The following TEP1 variants were observed in gnomAD, a reference collection of about 807,000 sequenced individuals.
The protein encoded by TEP1 is telomerase associated protein 1, also known as telomerase protein component 1.
In TEP1, 241 loss-of-function variants were observed where a neutral mutation model predicts 306.3. The observed-to-expected ratio is 0.79, with a 90% CI of 0.71 to 0.88. The LOEUF (loss-of-function observed/expected upper bound fraction) is 0.88. TEP1 is among the 40% of genes least tolerant of loss of function. The pLI is 0.00. For synonymous variants in TEP1, 1,289 were observed against 1,305.5 expected (o/e 0.99, Z 0.27); for missense variants, 3,051 against 3,276.1 (o/e 0.93, Z 1.68).
At chr14:20,411,425 A>G (rs61594645) in intron 1 of TEP1, among the ~76,000 whole-genome samples, 9,137 of 152,110 alleles carry the variant, frequency 0.06, 472 homozygotes, top group East Asian at 0.19. Context: ...CTCTCACTCT[A>G]CAGACTTCAG....
intron 49 of TEP1, 72 bp from the exon 50 acceptor site, chr14:20,371,704 C>T (rs762368464): frequency 1.3e-5 from 19 of 1,476,610 alleles, no homozygotes; most frequent in Non-Finnish European, 1.7e-5. Context: ...CTCAATCCCA[C>T]ATGAATTCCT....
rs1192717974 is a variant in TEP1, at chr14:20,387,892, AAC to A, written c.2684+11_2684+12del. On this transcript the variant is annotated intron_variant, in intron 18 of 54. Transcript: ENST00000262715. ...CCCTCCCAATTCACAAAGGCATAGA[AAC>A]ACAGACTGACCCTTGCTGGGAAACA... 15 of 1,592,362 alleles carry A rather than the reference AAC, an allele frequency of 9.4e-6. No individual in the cohort carries two copies. The South Asian group carries it at 1.4e-4, about 15-fold the overall frequency.
In TEP1 at chr14:20,405,603, G is replaced by A. The variant is rs1431554053; in HGVS notation, c.736-18C>T. The A allele has an allele frequency of 1.2e-6, 2 of 1,612,258 alleles. No individual in the cohort carries two copies. Among genetic ancestry groups the A allele is most frequent in the South Asian group, 1.1e-5 (1 of 90,904 alleles). ...AGAGCCATCTGGGAATTGAGAAAGA[G>A]GGAAGAAATGAGAAGAGAGGTAACA... On this transcript the variant is annotated intron_variant, in intron 3 of 54. Transcript: ENST00000262715.
Position 20,389,607 on chromosome 14 carries a change from TACA to T in TEP1, c.2465_2465+2del. 3 of 1,613,990 alleles carry T rather than the reference TACA, an allele frequency of 1.9e-6. No homozygotes were observed. The highest frequency in any genetic ancestry group is 2.5e-6 in the Non-Finnish European group (3 of 1,179,934). On this transcript the variant is annotated splice_donor_variant and coding_sequence_variant, in exon 16 of 55. Coordinates refer to ENST00000262715, the MANE Select transcript of TEP1 (RefSeq NM_007110.5). LOFTEE classifies it high-confidence loss of function. ...ACTGGGCAGGAAGTATAAGCACCCT[TACA>T]GGTATTGTACCCTTCTTAGGAGGAT... is the stretch of plus-strand genomic sequence containing the variant.
At position 20,377,696 on chromosome 14, in the gene TEP1, G is replaced by C. The variant is rs749016451; in HGVS notation, c.5779C>G (p.Leu1927Val). 4.3e-6 allele frequency: 7 copies of C among 1,614,138 alleles called. No individual in the cohort carries two copies. The highest frequency in any genetic ancestry group is 1.3e-5 in the African/African-American group (1 of 75,014). ...AGTGCCACAGAGAGGGCAGGAGAGA[G>C]AGAAAGGGAACCCAGGTGCCCACGG... Reference protein sequence around the residue: ...RPRGHLGSLSLSPALSVALSP... With the variant: ...RPRGHLGSLSVSPALSVALSP... The change falls in exon 40 of 55, where the codon CTC becomes GTC. Residue 1927 changes from leucine to valine, a missense_variant. Physicochemically the swap from Leu to Val is conservative, Grantham distance 32 (BLOSUM62 1). Transcript: ENST00000262715.
intron 53 of TEP1, among the ~76,000 whole-genome samples, 175 bp from the exon 54 acceptor site, chr14:20,369,077 G>A (rs1309814594): frequency 1.3e-5 from 2 of 151,472 alleles, no homozygotes; most frequent in South Asian, 2.1e-4. Flanking sequence ...GCGCAATCTC[G>A]GCTCACCGCA....
In TEP1 at chr14:20,383,210, G is replaced by A. The variant is rs773983990; in HGVS notation, c.4011C>T (p.Tyr1337=). Residue 1337 remains tyrosine, a synonymous_variant, in exon 27 of 55, where the codon TAC becomes TAT. Coordinates refer to ENST00000262715, the MANE Select transcript of TEP1 (RefSeq NM_007110.5). ...ATGGTGACTCCTCCAGCCGCTTCCC[G>A]TACAGGGCCAGCTCCTCTCTCACCA... is the stretch of plus-strand genomic sequence containing the variant. The part of the protein sequence containing the change: ...ARLVREELAL[Y]GKRLEESPFN... The A allele has an allele frequency of 9.1e-5, 147 of 1,612,566 alleles. 2 individuals carry two copies. Among genetic ancestry groups the A allele is most frequent in the East Asian group, 5.8e-4 (26 of 44,858 alleles).
intron 12 of TEP1, among the ~76,000 whole-genome samples, chr14:20,395,152 G>A (rs1170642489): frequency 6.6e-6 from 1 of 152,156 alleles, no homozygotes; most frequent in Non-Finnish European, 1.5e-5. Context: ...AAGCAGAGAG[G>A]ACACCAGCAT....
chr14:20,370,640 G>A (rs976178456), intron 51 of TEP1, among the ~76,000 whole-genome samples: 4 of 152,146 alleles, frequency 2.6e-5, no homozygotes, highest in Admixed American at 2.0e-4. Context: ...AAGCTGCTAT[G>A]AAGATTCTTG....
At chr14:20,376,610 G>A (rs1461672708) in intron 41 of TEP1, among the ~76,000 whole-genome samples, 1 of 152,190 alleles carries the variant, frequency 6.6e-6, no homozygotes, top group Non-Finnish European at 1.5e-5. Context: ...TGACCTGTGA[G>A]GACCAGTTCT....
rs1284123769 is a variant in TEP1 at position 20,366,153 on chromosome 14, A to C, written c.*2284T>G. 1 of 152,222 alleles carries C rather than the reference A, an allele frequency of 6.6e-6. No individual in the cohort carries two copies. Among genetic ancestry groups the C allele is most frequent in the Non-Finnish European group, 1.5e-5 (1 of 68,044 alleles). The allele number at this position is 152,222 out of a possible 1,614,324, so 9.4% of individuals were successfully genotyped here. A position where few individuals can be genotyped will look rare whatever the true frequency, so the allele number is the denominator to read the frequency against. On this transcript the variant is annotated 3_prime_UTR_variant, in exon 55 of 55. Transcript: ENST00000262715. ...CACTGTCCTTCTCCAAGATGAAACA[A>C]AAAACCCTTCAAGTGGGCCTGGCCA...
intron 7 of TEP1, among the ~76,000 whole-genome samples, chr14:20,403,113 T>C (rs1424014650): frequency 7.0e-6 from 1 of 141,852 alleles, no homozygotes; most frequent in Non-Finnish European, 1.5e-5. Context: ...GCCAAGACCG[T>C]GCCACTGCAG....
intron 21 of TEP1, 108 bp from the exon 22 acceptor site, chr14:20,384,821 G>A: frequency 1.4e-6 from 2 of 1,474,406 alleles, no homozygotes; most frequent in Non-Finnish European, 1.9e-6. Context: ...CAAGTAGAGA[G>A]CTCCTGACTC....
chr14:20,382,802 GCTC>G, intron 27 of TEP1, 87 bp from the exon 28 acceptor site: 1 of 1,278,082 alleles, frequency 7.8e-7, no homozygotes, highest in East Asian at 2.4e-5. Flanking sequence ...CTGCCAGGCA[GCTC>G]CTCCTCTGAG....
chr14:20,409,180 A>G (rs1879437429), intron 1 of TEP1, among the ~76,000 whole-genome samples: 1 of 152,080 alleles, frequency 6.6e-6, no homozygotes, highest in Admixed American at 6.6e-5. Context: ...ATCTTATTTC[A>G]CCCCTCAAGT....
At chr14:20,404,237 C>G (rs1184844551) in intron 5 of TEP1, among the ~76,000 whole-genome samples, 2 of 152,048 alleles carry the variant, frequency 1.3e-5, no homozygotes, top group Admixed American at 6.5e-5. Context: ...CGCCTGTAAT[C>G]CCAGCTACTT....
chr14:20,370,554 G>A (rs2104977), intron 51 of TEP1, among the ~76,000 whole-genome samples: 18,939 of 152,168 alleles, frequency 0.12, 1,361 homozygotes, highest in East Asian at 0.18. Flanking sequence ...TTTTTGCCAT[G>A]TAGTATTCCA....
chr14:20,369,863 T>C (rs1445840252), intron 51 of TEP1, 84 bp from the exon 52 acceptor site: 2 of 1,083,804 alleles, frequency 1.8e-6, no homozygotes, highest in Admixed American at 5.3e-5. Flanking sequence ...TGCTCTGGGC[T>C]GGTCAGGAAT....
chr14:20,386,498 T>G lies in TEP1; in HGVS notation c.2810A>C (p.His937Pro), dbSNP rs765169057. The part of the protein sequence containing the change: ...ARAAPHRISL[H>P]GIDLRWGVTE... ...GACGCCCCAGCGGAGGTCGATTCCG[T>G]GAAGGCTGATACGGTGAGGGGCCGC... is the stretch of plus-strand genomic sequence containing the variant. The change falls in exon 19 of 55, where the codon CAC (histidine) becomes CCC (proline). Residue 937 changes from histidine (H) to proline (P), a missense_variant. By Grantham distance (77) the His-to-Pro change is moderately conservative. This residue lies in a region of TEP1 where 1,507 missense variants were observed against 1,550.5 expected (regional missense o/e 0.97). Coordinates refer to ENST00000262715, the MANE Select transcript of TEP1 (RefSeq NM_007110.5). 1 of 1,612,558 alleles carries G rather than the reference T, an allele frequency of 6.2e-7. No homozygotes were observed. The highest frequency in any genetic ancestry group is 8.5e-7 in the Non-Finnish European group (1 of 1,179,268).
Sources: allele counts gnomAD v4.1 joint callset (sites outside exome capture counted in the v4.1 genomes callset), GRCh38; gene constraint gnomAD v4.1.1; regional missense constraint gnomAD v4.1.1; transcripts MANE v1.5; gene names NCBI Gene and HGNC (gene_info 2026-07-23, HGNC 2026-07-21).